The following KIFBP variants were observed in gnomAD, a reference collection of about 807,000 sequenced individuals.
The protein encoded by KIFBP is kinesin family binding protein.
A neutral mutation model predicts 58.9 loss-of-function variants in KIFBP; 46 were observed. That is an observed-to-expected ratio of 0.78 (90% CI 0.62 to 1.00). The LOEUF (loss-of-function observed/expected upper bound fraction) is 1.00. Among genes scored for constraint, KIFBP ranks in the 50% least tolerant of loss-of-function variants. The probability of loss-of-function intolerance (pLI) is 0.00; values close to 1 mark genes in which losing one functional copy is unlikely to be tolerated. For synonymous variants in KIFBP, 241 were observed against 283.4 expected, an observed-to-expected ratio of 0.85 and a Z score of 1.50; for missense variants, 651 against 752.9, an observed-to-expected ratio of 0.86 and a Z score of 1.58.
chr10:68,999,160 C>T (rs753710755), intron 1 of KIFBP, among the ~76,000 whole-genome samples: 4 of 151,850 alleles, frequency 2.6e-5, no homozygotes, highest in East Asian at 1.9e-4. Context: ...TGCAATGGCA[C>T]GATCTCGGCT....
In KIFBP at chr10:69,000,211, G is replaced by A. The variant is rs115027483; in HGVS notation, c.427-213G>A. 6.5e-3 allele frequency among the ~76,000 whole-genome samples: 997 copies of A among 152,300 alleles called. 17 individuals carry two copies. Among genetic ancestry groups the A allele is most frequent in the African/African-American group, 0.023 (960 of 41,564 alleles). ...TACTCAAGGGGAAGAGGTTACCTAA[G>A]AGCATGAATACCCCGAAGCAGGGAT... On this transcript the variant is annotated intron_variant, in intron 1 of 6. Coordinates refer to ENST00000361983, the MANE Select transcript of KIFBP (RefSeq NM_015634.4).
At chr10:69,015,362 T>A (rs775678458) in intron 6 of KIFBP, 179 bp from the exon 7 acceptor site, 7 of 574,310 alleles carry the variant, frequency 1.2e-5, no homozygotes, top group Non-Finnish European at 2.1e-5. Flanking sequence ...CTTGAGTTTT[T>A]AATATAATCG....
At chr10:69,001,120 ATT>A (rs750335112) in intron 2 of KIFBP, among the ~76,000 whole-genome samples, 3 of 145,136 alleles carry the variant, frequency 2.1e-5, no homozygotes, top group Non-Finnish European at 1.5e-5. Flanking sequence ...TTTTTCAATG[ATT>A]TTTTTTTTTT....
Position 69,015,871 on chromosome 10 carries a change from G to A in KIFBP, c.1321G>A (p.Glu441Lys). 1 of 1,614,176 alleles carries A rather than the reference G, an allele frequency of 6.2e-7. No individual in the cohort carries two copies. Among genetic ancestry groups the A allele is most frequent in the South Asian group, 1.1e-5 (1 of 91,076 alleles). Residue 441 changes from glutamate to lysine, a missense_variant, in exon 7 of 7, where the codon GAG becomes AAG. Physicochemically the swap from Glu to Lys is moderately conservative, Grantham distance 56. Transcript: ENST00000361983. ...GCTTGCATTCTTTGAAACTGACATG[G>A]AGAGACGGTGCAAGATGCATAAACG... ...KVLAFFETDM[E>K]RRCKMHKRRI...
chr10:69,008,391 A>AAAAAAAAAAAAAAAATATATATATAT, intron 4 of KIFBP, among the ~76,000 whole-genome samples: 1 of 71,592 alleles, frequency 1.4e-5, no homozygotes, highest in African/African-American at 7.8e-5. Flanking sequence ...AAAAAAAAAA[A>AAAAAAAAAAAAAAAATATATATATAT]ATATATATAT....
At chr10:69,005,942 CAG>C (rs1242491707) in intron 4 of KIFBP, 27 bp downstream of exon 4, 1 of 1,590,716 alleles carries the variant, frequency 6.3e-7, no homozygotes. Context: ...AGTTATCTAA[CAG>C]AGTACCAATA....
At chr10:68,991,514 C>A in intron 1 of KIFBP, 1 of 437,558 alleles carries the variant, frequency 2.3e-6, no homozygotes, top group Non-Finnish European at 4.8e-6. Context: ...ACATTGGAGA[C>A]ATGCACTGGT....
At chr10:69,015,444 A>G in intron 6 of KIFBP, 97 bp from the exon 7 acceptor site, 1 of 1,187,428 alleles carries the variant, frequency 8.4e-7, no homozygotes, top group Non-Finnish European at 1.2e-6. Context: ...AAAGTAAGAG[A>G]CTTCTCTTCT....
Position 69,011,063 on chromosome 10 carries a change from T to G in KIFBP, c.990+48T>G, listed in dbSNP as rs368844947. The stretch of plus-strand genomic sequence containing the variant: ...TTTTCTTTCTTAAATGAGGAAATTG[T>G]AAGTAAAAACTCATAGTGGGGATTG... On this transcript the variant is annotated intron_variant, in intron 6 of 6. Transcript: ENST00000361983. 23 of 1,331,144 alleles carry G rather than the reference T, an allele frequency of 1.7e-5. No homozygotes were observed. In the African/African-American group the frequency reaches 3.2e-4, roughly 18 times the overall value. The allele number at this position is 1,331,144 out of a possible 1,614,324, so 82.5% of individuals were successfully genotyped here.
intron 6 of KIFBP, among the ~76,000 whole-genome samples, chr10:69,014,880 A>C (rs186161216): frequency 1.3e-5 from 2 of 152,188 alleles, no homozygotes; most frequent in East Asian, 3.9e-4. Context: ...TCTTAATGGC[A>C]TCCTTGTGAA....
chr10:68,998,727 C>CTACA (rs1195651214), intron 1 of KIFBP, among the ~76,000 whole-genome samples: 180 of 140,126 alleles, frequency 1.3e-3, no homozygotes, highest in African/African-American at 3.5e-3. Flanking sequence ...ACTAACCCCA[C>CTACA]TACATACATA....
At chr10:69,007,414 C>T (rs1258567890) in intron 4 of KIFBP, among the ~76,000 whole-genome samples, 2 of 152,268 alleles carry the variant, frequency 1.3e-5, no homozygotes, top group South Asian at 2.1e-4. Flanking sequence ...GAATCCCTAC[C>T]TGGCAGCTGC....
chr10:69,016,040 A>G lies in KIFBP; in HGVS notation c.1490A>G (p.Asp497Gly), dbSNP rs763853555. 1 of 1,614,154 alleles carries G rather than the reference A, an allele frequency of 6.2e-7. No homozygotes were observed. The highest frequency in any genetic ancestry group is 8.5e-7 in the Non-Finnish European group (1 of 1,180,030). Residue 497 changes from aspartate to glycine, a missense_variant, in exon 7 of 7, where the codon GAT (aspartate) becomes GGT (glycine). By Grantham distance (94) the Asp-to-Gly change is moderately conservative. Coordinates refer to ENST00000361983, the MANE Select transcript of KIFBP (RefSeq NM_015634.4). ...GTTGCCATTGCTGACAGGCTAAGGG[A>G]TCCTGATTCACACATTGTAAAAAAA... ...LKVAIADRLR[D>G]PDSHIVKKIN...
rs1177852794 is a variant in KIFBP, at chr10:68,989,201, G to T, written c.369G>T (p.Arg123=). 9.3e-6 allele frequency: 15 copies of T among 1,613,562 alleles called. No homozygotes were observed. The East Asian group carries it at 1.6e-4, about 17-fold the overall frequency. The change falls in exon 1 of 7, where the codon CGG becomes CGT. Residue 123 remains arginine, a synonymous_variant. Transcript: ENST00000361983. The part of the protein sequence containing the change: ...AGEEHLVKCL[R]LLRRYRLSHD... ...AGGAGCACCTGGTGAAATGCCTGCG[G>T]CTGCTGCGCAGGTACCGGCTCTCGC...
At chr10:69,000,968 G>A (rs1843459594) in intron 2 of KIFBP, among the ~76,000 whole-genome samples, 1 of 152,132 alleles carries the variant, frequency 6.6e-6, no homozygotes, top group Non-Finnish European at 1.5e-5. Context: ...ACAGCAGACT[G>A]GGCATCCAGG....
chr10:69,015,840 T>C lies in KIFBP; in HGVS notation c.1290T>C (p.Phe430=). 6.2e-7 allele frequency: 1 copy of C among 1,614,214 alleles called. No individual in the cohort carries two copies. The highest frequency in any genetic ancestry group is 2.2e-5 in the East Asian group (1 of 44,886). The part of the protein sequence containing the change: ...IEVVQDHSAL[F]KVLAFFETDM... ...TTGTCCAAGACCACAGTGCTCTGTT[T>C]AAGGTGCTTGCATTCTTTGAAACTG... The change falls in exon 7 of 7, where the codon TTT becomes TTC. Residue 430 remains phenylalanine (F), a synonymous_variant. Transcript: ENST00000361983.
intron 4 of KIFBP, among the ~76,000 whole-genome samples, chr10:69,008,391 A>AAAAAAAAATAT: frequency 4.2e-5 from 3 of 71,614 alleles, no homozygotes; most frequent in African/African-American, 2.3e-4. Context: ...AAAAAAAAAA[A>AAAAAAAAATAT]ATATATATAT....
intron 2 of KIFBP, among the ~76,000 whole-genome samples, chr10:69,004,049 G>A (rs1013710339): frequency 1.3e-5 from 2 of 151,628 alleles, no homozygotes; most frequent in Non-Finnish European, 2.9e-5. Flanking sequence ...GAGAAACCCC[G>A]TCTCTACTAA....
In KIFBP at chr10:68,989,067, G is replaced by A. The variant is rs1247242658; in HGVS notation, c.235G>A (p.Glu79Lys). The change falls in exon 1 of 7, where the codon GAG becomes AAG. Residue 79 changes from glutamate to lysine, a missense_variant. Coordinates refer to ENST00000361983, the MANE Select transcript of KIFBP (RefSeq NM_015634.4). Reference protein sequence around the residue: ...AGDHALGLPAEVVEPEGPVAQ... With the variant: ...AGDHALGLPAKVVEPEGPVAQ... ...TGACCACGCCCTGGGGCTGCCGGCTGAGGTGGTGGAGCCCGAGGGGCCCGT... is the reference window on the plus strand; with the variant it reads ...TGACCACGCCCTGGGGCTGCCGGCTAAGGTGGTGGAGCCCGAGGGGCCCGT... The A allele has an allele frequency of 6.2e-7, 1 of 1,612,274 alleles. No homozygotes were observed. Among genetic ancestry groups the A allele is most frequent in the African/African-American group, 1.3e-5 (1 of 74,896 alleles).
Sources: allele counts gnomAD v4.1 joint callset (sites outside exome capture counted in the v4.1 genomes callset), GRCh38; gene constraint gnomAD v4.1.1; transcripts MANE v1.5; gene names NCBI Gene and HGNC (gene_info 2026-07-23, HGNC 2026-07-21).